PHEX: variants seen among roughly 807,000 people sequenced by gnomAD.
The protein encoded by PHEX is phosphate-regulating neutral endopeptidase PHEX.
In PHEX, 16 loss-of-function variants were observed where a neutral mutation model predicts 68.0. The observed-to-expected ratio is 0.24, with a 90% confidence interval of 0.16 to 0.36. PHEX has a LOEUF of 0.36. PHEX is among the 10% of genes least tolerant of loss of function. The pLI, the probability that PHEX is intolerant of heterozygous loss-of-function variation, is 1.00. For synonymous variants in PHEX, 208 were observed against 205.1 expected (o/e 1.01, Z -0.12); for missense variants, 480 against 575.5 (o/e 0.83, Z 1.70).
chrX:22,153,799 C>A (rs1306708938), intron 12 of PHEX, among the ~76,000 whole-genome samples: 1 of 112,069 alleles, frequency 8.9e-6, no homozygotes, highest in East Asian at 2.8e-4. Flanking sequence ...CCTGCTATGA[C>A]TGATTTTTGC....
chrX:22,056,464 G>C (rs764703214), intron 3 of PHEX, among the ~76,000 whole-genome samples: 4 of 110,588 alleles, frequency 3.6e-5, no homozygotes, highest in Non-Finnish European at 7.6e-5. Flanking sequence ...TCTAGCAAGA[G>C]GCATTGTGTT....
At chrX:22,215,519 T>C (rs756157906) in intron 16 of PHEX, among the ~76,000 whole-genome samples, 1 of 111,676 alleles carries the variant, frequency 9.0e-6, no homozygotes, top group Admixed American at 9.5e-5. Flanking sequence ...GAATCAGGAC[T>C]GTAAATGGTT....
intron 12 of PHEX, among the ~76,000 whole-genome samples, chrX:22,164,277 C>T (rs1933236329): frequency 8.9e-6 from 1 of 111,750 alleles, no homozygotes; most frequent in Non-Finnish European, 1.9e-5. Flanking sequence ...CAGAAAAAAA[C>T]ATTTGAATCT....
At chrX:22,223,519 A>G (rs1935336884) in intron 18 of PHEX, among the ~76,000 whole-genome samples, 1 of 111,898 alleles carries the variant, frequency 8.9e-6, no homozygotes, top group African/African-American at 3.3e-5. Context: ...CCAAGGTGGG[A>G]GGATCACTTG....
chrX:22,238,694 A>G (rs1385083894), intron 20 of PHEX, among the ~76,000 whole-genome samples: 1 of 111,812 alleles, frequency 8.9e-6, no homozygotes, highest in Non-Finnish European at 1.9e-5. Flanking sequence ...CAGCAAGGCC[A>G]CTGTGACCAG....
chrX:22,051,495 C>T (rs888144728), intron 3 of PHEX, among the ~76,000 whole-genome samples: 2 of 111,789 alleles, frequency 1.8e-5, no homozygotes, highest in Admixed American at 1.9e-4. Context: ...GGTGCCAGTG[C>T]ACTCCAGTCT....
chrX:22,055,929 G>A (rs1928084735), intron 3 of PHEX, among the ~76,000 whole-genome samples: 1 of 111,596 alleles, frequency 9.0e-6, no homozygotes, highest in Non-Finnish European at 1.9e-5. Context: ...ACTCTTGTCT[G>A]CTCTAAGCCT....
chrX:22,219,393 C>T (rs1188601628), intron 17 of PHEX, among the ~76,000 whole-genome samples: 3 of 111,944 alleles, frequency 2.7e-5, no homozygotes, highest in Non-Finnish European at 5.6e-5. Context: ...ACAATAGTTA[C>T]AGAGATTGAT....
chrX:22,231,904 T>C (rs923099135), intron 20 of PHEX, among the ~76,000 whole-genome samples: 3 of 112,364 alleles, frequency 2.7e-5, no homozygotes, highest in African/African-American at 9.7e-5. Flanking sequence ...TTGTGTGCAT[T>C]TAGTGCTATA....
chrX:22,100,857 A>G (rs987378031), intron 9 of PHEX, among the ~76,000 whole-genome samples: 10 of 111,707 alleles, frequency 9.0e-5, no homozygotes, highest in African/African-American at 3.3e-4. Flanking sequence ...TTATGTACAC[A>G]TACAACTTCA....
chrX:22,112,115 G>A (rs2147062642), intron 10 of PHEX, among the ~76,000 whole-genome samples: 1 of 111,562 alleles, frequency 9.0e-6, no homozygotes, highest in African/African-American at 3.3e-5. Flanking sequence ...TGTCTGAGAT[G>A]GTTTTCCTCC....
At chrX:22,186,208 A>G (rs1422849118) in intron 14 of PHEX, among the ~76,000 whole-genome samples, 2 of 111,999 alleles carry the variant, frequency 1.8e-5, no homozygotes, top group Non-Finnish European at 3.8e-5. Flanking sequence ...TCCTTACAGC[A>G]TGTTGATTGA....
chrX:22,224,800 G>A (rs1935390589), intron 18 of PHEX, among the ~76,000 whole-genome samples: 1 of 108,282 alleles, frequency 9.2e-6, no homozygotes, highest in Admixed American at 9.8e-5. Flanking sequence ...TTTATTCATT[G>A]ATATTGCTTG....
chrX:22,034,572 C>G (rs941399244), intron 1 of PHEX, among the ~76,000 whole-genome samples: 1 of 112,063 alleles, frequency 8.9e-6, no homozygotes, highest in African/African-American at 3.2e-5. Context: ...GATAAGGAGG[C>G]CTGCATAAAA....
At chrX:22,151,562 T>C (rs577743090) in intron 12 of PHEX, among the ~76,000 whole-genome samples, 1 of 111,553 alleles carries the variant, frequency 9.0e-6, no homozygotes, top group South Asian at 3.8e-4. Flanking sequence ...ACTCCATTTC[T>C]CAGCATGGTT....
chrX:22,118,339 C>CAAAAAAAAAAAAAAAAAAAAA (rs1157170753), intron 11 of PHEX, among the ~76,000 whole-genome samples: 1 of 21,119 alleles, frequency 4.7e-5, no homozygotes, highest in African/African-American at 1.7e-4. Flanking sequence ...TAAACAGCAC[C>CAAAAAAAAAAAAAAAAAAAAA]AAAAAAAAAA....
chrX:22,072,127 A>G (rs1196256036), intron 3 of PHEX, among the ~76,000 whole-genome samples: 2 of 112,653 alleles, frequency 1.8e-5, no homozygotes, highest in African/African-American at 6.4e-5. Context: ...ACTTGTGAGG[A>G]TGAGTCAGGA....
rs556410356 is a variant in PHEX at position 22,041,265 on chromosome X, CTATATA to C, written c.187+2760_187+2765del. Among the ~76,000 whole-genome samples, 458 of 72,779 alleles carry C rather than the reference CTATATA, an allele frequency of 6.3e-3. 8 individuals are homozygous for C. Among genetic ancestry groups the C allele is most frequent in the African/African-American group, 0.026 (404 of 15,777 alleles). 63.2% of individuals were successfully genotyped at this position (72,779 alleles called of 115,157 possible). On this transcript the variant is annotated intron_variant, in intron 2 of 21. Transcript: ENST00000379374. Reference sequence around the variant, plus strand: ...GATCTCTCTCTCTCTCTCTCTCTCTCTATATATATATATATATATATATATATATAT... The same window carrying C: ...GATCTCTCTCTCTCTCTCTCTCTCTCTATATATATATATATATATATATAT...
rs759032883 is a variant in PHEX, at chrX:22,086,178, C to T, written c.664-4251C>T. On this transcript the variant is annotated intron_variant, in intron 5 of 21. Coordinates refer to ENST00000379374, the MANE Select transcript of PHEX (RefSeq NM_000444.6). The stretch of plus-strand genomic sequence containing the variant: ...CTGGCAGTGTGGAAAAGCTGGCTGG[C>T]GGCTAGTGTACAGGTGACCTTTGGA... 7.2e-5 allele frequency among the ~76,000 whole-genome samples: 8 copies of T among 111,576 alleles called. No individual in the cohort carries two copies. The South Asian group carries it at 1.5e-3, about 21-fold the overall frequency.
Sources: allele counts gnomAD v4.1 joint callset (sites outside exome capture counted in the v4.1 genomes callset), GRCh38; gene constraint gnomAD v4.1.1; transcripts MANE v1.5; gene names NCBI Gene and HGNC (gene_info 2026-07-23, HGNC 2026-07-21).